The following GLIS3 variants were observed in gnomAD, a reference collection of about 807,000 sequenced individuals.
The protein encoded by GLIS3 is zinc finger protein GLIS3.
A neutral mutation model predicts 78.6 loss-of-function variants in GLIS3; 53 were observed. The ratio of observed to expected loss-of-function variants is 0.67; its 90% confidence interval spans 0.54 to 0.85. GLIS3 has a LOEUF of 0.85. Among genes scored for constraint, GLIS3 ranks in the 40% least tolerant of loss-of-function variants. GLIS3 has a pLI of 0.00. For missense variants in GLIS3, 1,703 were observed against 1,231.1 expected, an observed-to-expected ratio of 1.38 and a Z score of -5.74; for synonymous variants, 684 against 509.9, an observed-to-expected ratio of 1.34 and a Z score of -4.60.
intron 4 of GLIS3, among the ~76,000 whole-genome samples, chr9:4,094,179 G>A (rs991450031): frequency 1.3e-5 from 2 of 152,172 alleles, no homozygotes; most frequent in Non-Finnish European, 2.9e-5. Flanking sequence ...AGGAAAGCAG[G>A]AACGAGAGGA....
At position 4,267,345 on chromosome 9, in the gene GLIS3, T is replaced by C. The variant is rs187558379; in HGVS notation, c.388+18693A>G. On this transcript the variant is annotated intron_variant, in intron 2 of 10. Transcript: ENST00000381971. Reference sequence around the variant, plus strand: ...GAGTAGACAGCCCTTGAGGGTTAAGTGAAGACAGCAGAAAAGACCATCCTC... The same window carrying C: ...GAGTAGACAGCCCTTGAGGGTTAAGCGAAGACAGCAGAAAAGACCATCCTC... 7.9e-5 allele frequency among the ~76,000 whole-genome samples: 12 copies of C among 152,274 alleles called. 1 individual carries two copies. The East Asian group carries it at 2.3e-3, about 29-fold the overall frequency.
At chr9:4,455,383 G>T in the GLIS3 span, among the ~76,000 whole-genome samples, 1 of 152,098 alleles carries the variant, frequency 6.6e-6, no homozygotes, top group South Asian at 2.1e-4. Context: ...AGTTTATGTG[G>T]CTGCAACCTC....
the GLIS3 span, among the ~76,000 whole-genome samples, chr9:4,362,632 C>T: frequency 2.0e-5 from 3 of 152,192 alleles, no homozygotes; most frequent in African/African-American, 4.8e-5. Context: ...GGAATCTTAC[C>T]TTATGCGGCA....
At chr9:3,975,731 C>T (rs558583972) in intron 4 of GLIS3, among the ~76,000 whole-genome samples, 1 of 152,076 alleles carries the variant, frequency 6.6e-6, no homozygotes, top group Non-Finnish European at 1.5e-5. Context: ...TTTTGTCCAT[C>T]GTGACAAGTC....
chr9:3,937,971 CAAT>C (rs1825987709), intron 4 of GLIS3, among the ~76,000 whole-genome samples: 1 of 152,060 alleles, frequency 6.6e-6, no homozygotes, highest in African/African-American at 2.4e-5. Flanking sequence ...ACTGGTTTGT[CAAT>C]AATATTTATT....
intron 4 of GLIS3, among the ~76,000 whole-genome samples, chr9:4,000,215 TGAAAG>T (rs1305164679): frequency 1.3e-5 from 2 of 152,184 alleles, no homozygotes; most frequent in African/African-American, 4.8e-5. Context: ...TGCTGAGTGA[TGAAAG>T]GAAATCACAG....
At chr9:4,240,564 C>A (rs531711612) in intron 2 of GLIS3, among the ~76,000 whole-genome samples, 2 of 152,040 alleles carry the variant, frequency 1.3e-5, no homozygotes, top group Non-Finnish European at 2.9e-5. Flanking sequence ...GGGAAGATTA[C>A]AAGGGGGTAC....
chr9:4,294,017 A>G (rs1816254793), intron 1 of GLIS3, among the ~76,000 whole-genome samples: 1 of 152,142 alleles, frequency 6.6e-6, no homozygotes, highest in Non-Finnish European at 1.5e-5. Context: ...TAATTCTACA[A>G]ACCGCCTTAG....
chr9:4,486,419 G>A, the GLIS3 span, among the ~76,000 whole-genome samples: 5 of 152,136 alleles, frequency 3.3e-5, no homozygotes, highest in Non-Finnish European at 7.3e-5. Flanking sequence ...TCTCTGTTCA[G>A]AGATCCATTC....
intron 4 of GLIS3, among the ~76,000 whole-genome samples, chr9:4,085,215 T>C (rs1186955860): frequency 6.6e-6 from 1 of 152,128 alleles, no homozygotes; most frequent in South Asian, 2.1e-4. Flanking sequence ...TTTTCTCTAC[T>C]GTCATTCCGC....
chr9:3,999,944 C>T (rs974514645), intron 4 of GLIS3, among the ~76,000 whole-genome samples: 1 of 151,982 alleles, frequency 6.6e-6, no homozygotes, highest in African/African-American at 2.4e-5. Flanking sequence ...ATAAACAGAA[C>T]CATTAATATA....
chr9:4,282,628 C>G (rs930825587), intron 2 of GLIS3, among the ~76,000 whole-genome samples: 5 of 152,110 alleles, frequency 3.3e-5, no homozygotes, highest in African/African-American at 1.2e-4. Context: ...CAGACTCAGA[C>G]TGCAATGAAA....
the GLIS3 span, among the ~76,000 whole-genome samples, chr9:4,387,040 A>G: frequency 6.6e-6 from 1 of 152,190 alleles, no homozygotes; most frequent in African/African-American, 2.4e-5. Context: ...CTTTTGTTGC[A>G]TGATCATCTG....
At chr9:3,874,497 G>C (rs985899474) in intron 8 of GLIS3, among the ~76,000 whole-genome samples, 4 of 152,208 alleles carry the variant, frequency 2.6e-5, no homozygotes, top group African/African-American at 7.2e-5. Flanking sequence ...AATAGAACCG[G>C]AGGAGGGGGC....
At chr9:3,993,386 T>C (rs1477954873) in intron 4 of GLIS3, among the ~76,000 whole-genome samples, 1 of 152,236 alleles carries the variant, frequency 6.6e-6, no homozygotes, top group Non-Finnish European at 1.5e-5. Flanking sequence ...TTAATATTAG[T>C]AGTATTTTAT....
intron 4 of GLIS3, among the ~76,000 whole-genome samples, chr9:4,096,009 C>CAAAAAAA (rs34499061): frequency 9.7e-6 from 1 of 103,550 alleles, no homozygotes; most frequent in Admixed American, 1.0e-4. Context: ...GTAACCTATA[C>CAAAAAAA]AAAAAAAAAA....
chr9:4,423,573 G>A, the GLIS3 span, among the ~76,000 whole-genome samples: 2 of 152,052 alleles, frequency 1.3e-5, no homozygotes, highest in Non-Finnish European at 2.9e-5. Flanking sequence ...ACCCTCTCTA[G>A]CAGCTATTAA....
At chr9:4,295,568 C>A (rs562617212) in intron 1 of GLIS3, among the ~76,000 whole-genome samples, 56 of 152,104 alleles carry the variant, frequency 3.7e-4, no homozygotes, top group Admixed American at 1.0e-3. Flanking sequence ...TTTAAAAAAA[C>A]CAGACAAAAC....
At chr9:4,239,299 CTAAAACT>C (rs931597899) in intron 2 of GLIS3, among the ~76,000 whole-genome samples, 4 of 150,626 alleles carry the variant, frequency 2.7e-5, no homozygotes, top group Middle Eastern at 3.2e-3. Context: ...CACATGTACC[CTAAAACT>C]TAAAAGTATA....
Sources: allele counts gnomAD v4.1 joint callset (sites outside exome capture counted in the v4.1 genomes callset), GRCh38; gene constraint gnomAD v4.1.1; transcripts MANE v1.5; gene names NCBI Gene and HGNC (gene_info 2026-07-23, HGNC 2026-07-21).